The following ACAP2 variants were observed in gnomAD, a reference collection of about 807,000 sequenced individuals.
ACAP2 encodes ArfGAP with coiled-coil, ankyrin repeat and PH domains 2, also known as arf-GAP with coiled-coil, ANK repeat and PH domain-containing protein 2.
In ACAP2, 39 loss-of-function variants were observed where a neutral mutation model predicts 115.8. That is an observed-to-expected ratio of 0.34 (90% CI 0.26 to 0.44). The LOEUF (loss-of-function observed/expected upper bound fraction) is 0.44, where lower values mean the gene tolerates loss of function less well. ACAP2 is among the 20% of genes least tolerant of loss of function. The pLI, the probability that ACAP2 is intolerant of heterozygous loss-of-function variation, is 1.00. For synonymous variants in ACAP2, 289 were observed against 315.8 expected, an observed-to-expected ratio of 0.92 and a Z score of 0.90; for missense variants, 662 against 927.6, an observed-to-expected ratio of 0.71 and a Z score of 3.72.
At chr3:195,324,201 A>T (rs1729627105) in intron 9 of ACAP2, among the ~76,000 whole-genome samples, 1 of 152,238 alleles carries the variant, frequency 6.6e-6, no homozygotes, top group South Asian at 2.1e-4. Flanking sequence ...GATGCCCATT[A>T]GTCACTAAAG....
At position 195,287,024 on chromosome 3, in the gene ACAP2, T is replaced by C. The variant is rs957127498; in HGVS notation, c.2175-1167A>G. ...TGTGGGGAAAGGATCTGAGAAAGTATGTTTTGCTGTTTTGTTATTTTATTT... is the reference window on the plus strand; with the variant it reads ...TGTGGGGAAAGGATCTGAGAAAGTACGTTTTGCTGTTTTGTTATTTTATTT... On this transcript the variant is annotated intron_variant, in intron 21 of 22. Transcript: ENST00000326793. Among the ~76,000 whole-genome samples the C allele has an allele frequency of 5.3e-5, 8 of 152,254 alleles. No individual in the cohort carries two copies. In the East Asian group the frequency reaches 1.5e-3, roughly 29 times the overall value.
At chr3:195,361,226 G>A (rs1732345016) in intron 4 of ACAP2, among the ~76,000 whole-genome samples, 1 of 152,128 alleles carries the variant, frequency 6.6e-6, no homozygotes, top group Non-Finnish European at 1.5e-5. Flanking sequence ...CTTGAGGCCA[G>A]GAGTTTGAGA....
At chr3:195,320,884 G>A in intron 9 of ACAP2, 71 bp from the exon 10 acceptor site, 2 of 1,001,000 alleles carry the variant, frequency 2.0e-6, no homozygotes, top group Non-Finnish European at 3.1e-6. Flanking sequence ...TGGATCCTAA[G>A]AAAAGAGTTC....
chr3:195,322,635 T>C (rs142991546), intron 9 of ACAP2, among the ~76,000 whole-genome samples: 113 of 152,292 alleles, frequency 7.4e-4, no homozygotes, highest in African/African-American at 2.6e-3. Context: ...ATGCCCTCAT[T>C]TAAAATTTAT....
chr3:195,314,808 A>C (rs7625484), intron 10 of ACAP2, among the ~76,000 whole-genome samples: 21,302 of 152,276 alleles, frequency 0.14, 2,018 homozygotes, highest in Non-Finnish European at 0.2. Flanking sequence ...ACAGTCTTTT[A>C]CTCAAAGTCC....
chr3:195,357,551 C>G (rs1014050810), intron 4 of ACAP2: 5 of 152,280 alleles, frequency 3.3e-5, no homozygotes, highest in Admixed American at 2.6e-4. Flanking sequence ...GGCTTCAGAT[C>G]TGACGAAGTA....
At chr3:195,413,512 G>A (rs1456445007) in intron 1 of ACAP2, among the ~76,000 whole-genome samples, 1 of 152,126 alleles carries the variant, frequency 6.6e-6, no homozygotes, top group Non-Finnish European at 1.5e-5. Flanking sequence ...ACTTTGAGAG[G>A]CTGAGGCGGG....
chr3:195,414,660 C>CA (rs1162536511), intron 1 of ACAP2, among the ~76,000 whole-genome samples: 1 of 152,130 alleles, frequency 6.6e-6, no homozygotes, highest in South Asian at 2.1e-4. Context: ...ATAGAAAACA[C>CA]AAAATGCTAC....
At chr3:195,366,805 T>C (rs1732754574) in intron 4 of ACAP2, among the ~76,000 whole-genome samples, 2 of 152,134 alleles carry the variant, frequency 1.3e-5, no homozygotes, top group South Asian at 2.1e-4. Context: ...AAAGGACCAC[T>C]CTTCAGTGTG....
chr3:195,327,172 A>T (rs1254256654), intron 8 of ACAP2, among the ~76,000 whole-genome samples: 3 of 152,176 alleles, frequency 2.0e-5, no homozygotes, highest in African/African-American at 7.2e-5. Context: ...GAAAATAAAA[A>T]TTTCCAAGAA....
intron 4 of ACAP2, among the ~76,000 whole-genome samples, chr3:195,378,093 G>A (rs570405996): frequency 3.6e-4 from 55 of 151,924 alleles, no homozygotes; most frequent in African/African-American, 1.2e-3. Context: ...GAAGGGAGGA[G>A]GAGGAAGGGA....
chr3:195,424,289 T>A (rs1190379149), intron 1 of ACAP2, among the ~76,000 whole-genome samples: 2,302 of 35,996 alleles, frequency 0.064, 17 homozygotes, highest in East Asian at 0.16. Context: ...ATATATTTTT[T>A]TTTTTTTTTT....
At position 195,306,352 on chromosome 3, in the gene ACAP2, TAAAC is replaced by T. The variant is rs577541662; in HGVS notation, c.1116+155_1116+158del. On this transcript the variant is annotated intron_variant, in intron 13 of 22. Transcript: ENST00000326793. ...AAATGGTAAGTGAAATAAAGAGAAA[TAAAC>T]AAAAAAGAAATTAAATCCAGATTTT... 4.0e-4 allele frequency among the ~76,000 whole-genome samples: 61 copies of T among 151,978 alleles called. No individual in the cohort carries two copies. In the South Asian group the frequency reaches 0.012, roughly 29 times the overall value.
rs531041204 is a variant in ACAP2 at position 195,415,671 on chromosome 3, T to C, written c.54-23524A>G. ...CAGATAAACCACTTACTGACACTTG[T>C]ATCATTTATTTTTAAATATTTTCAG... On this transcript the variant is annotated intron_variant, in intron 1 of 22. Coordinates refer to ENST00000326793, the MANE Select transcript of ACAP2 (RefSeq NM_012287.6). 3.7e-4 allele frequency among the ~76,000 whole-genome samples: 57 copies of C among 152,366 alleles called. 1 individual carries two copies. The South Asian group carries it at 0.012, about 32-fold the overall frequency.
chr3:195,279,262 T>C lies in ACAP2; in HGVS notation c.*66A>G. On this transcript the variant is annotated 3_prime_UTR_variant, in exon 23 of 23. Transcript: ENST00000326793. Reference sequence around the variant, plus strand: ...AGTAGAATTAAAGCAGTAAAAAAATTGTGATTTTTTAGCTGTATACATTAG... The same window carrying C: ...AGTAGAATTAAAGCAGTAAAAAAATCGTGATTTTTTAGCTGTATACATTAG... 1 of 1,038,854 alleles carries C rather than the reference T, an allele frequency of 9.6e-7. No homozygotes were observed. Among genetic ancestry groups the C allele is most frequent in the Non-Finnish European group, 1.4e-6 (1 of 700,552 alleles). The allele number at this position is 1,038,854 out of a possible 1,614,324, so 64.4% of individuals were successfully genotyped here.
intron 10 of ACAP2, 80 bp from the exon 11 acceptor site, chr3:195,308,917 G>A (rs1228483480): frequency 1.3e-5 from 17 of 1,333,966 alleles, no homozygotes; most frequent in Non-Finnish European, 1.6e-5. Flanking sequence ...ATTTGAGAAA[G>A]CACTGGAAAT....
At chr3:195,333,366 T>C (rs963928019) in intron 7 of ACAP2, among the ~76,000 whole-genome samples, 96 of 152,290 alleles carry the variant, frequency 6.3e-4, no homozygotes, top group African/African-American at 2.2e-3. Context: ...TATGCTCAGC[T>C]AATTTTTTTA....
At chr3:195,373,204 T>A (rs756593380) in intron 4 of ACAP2, among the ~76,000 whole-genome samples, 4 of 151,792 alleles carry the variant, frequency 2.6e-5, no homozygotes, top group African/African-American at 4.8e-5. Flanking sequence ...TGTGGGAGGA[T>A]TGCTTGAGCC....
Position 195,390,855 on chromosome 3 carries a change from A to AC in ACAP2, c.111+1234_111+1235insG, listed in dbSNP as rs544611697. On this transcript the variant is annotated intron_variant, in intron 2 of 22. Transcript: ENST00000326793. The stretch of plus-strand genomic sequence containing the variant: ...TATCTCCAGAAATTTAAAGAGAAAC[A>AC]TGTAAATGAGCAGTGGTTTCAGAAG... Among the ~76,000 whole-genome samples the AC allele has an allele frequency of 2.2e-3, 341 of 152,358 alleles. 1 individual carries two copies. Among genetic ancestry groups the AC allele is most frequent in the African/African-American group, 8.0e-3 (332 of 41,596 alleles).
Sources: gnomAD v4.1 joint callset for allele counts (sites outside exome capture counted in the v4.1 genomes callset) on GRCh38, gnomAD v4.1.1 for gene constraint, MANE v1.5 for transcripts, NCBI Gene and HGNC (gene_info 2026-07-23, HGNC 2026-07-21) for gene names.